EIF4G3: variants seen among roughly 807,000 people sequenced by gnomAD.
EIF4G3 encodes the protein eIF-4-gamma 3.
In EIF4G3, 34 loss-of-function variants were observed where a neutral mutation model predicts 186.4. The observed-to-expected ratio is 0.18, with a 90% CI of 0.14 to 0.24. The LOEUF (loss-of-function observed/expected upper bound fraction) is 0.24. Among genes scored for constraint, EIF4G3 ranks in the 10% least tolerant of loss-of-function variants. EIF4G3 has a pLI of 1.00. For synonymous variants in EIF4G3, 673 were observed against 679.5 expected (o/e 0.99, Z 0.15); for missense variants, 1,536 against 1,948.5 (o/e 0.79, Z 3.99).
intron 36 of EIF4G3, among the ~76,000 whole-genome samples, chr1:20,808,504 A>G (rs6663529): frequency 0.55 from 83,280 of 151,210 alleles, 23,704 homozygotes; most frequent in East Asian, 0.83. Flanking sequence ...ACACAGTGAA[A>G]CCCCGTCTCT....
chr1:21,135,535 G>A (rs2097222810), intron 2 of EIF4G3, among the ~76,000 whole-genome samples: 1 of 152,004 alleles, frequency 6.6e-6, no homozygotes, highest in African/African-American at 2.4e-5. Flanking sequence ...AAAATTAAAT[G>A]GGGTAAAAAA....
chr1:20,827,421 G>A (rs572834998), intron 32 of EIF4G3, among the ~76,000 whole-genome samples, 196 bp downstream of exon 32: 10 of 152,160 alleles, frequency 6.6e-5, no homozygotes, highest in African/African-American at 1.9e-4. Flanking sequence ...AAATCTAGTC[G>A]AGATTTGATA....
At chr1:20,988,178 G>A (rs1201842236) in intron 7 of EIF4G3, 1 of 162,068 alleles carries the variant, frequency 6.2e-6, no homozygotes, top group Non-Finnish European at 1.5e-5. Flanking sequence ...TTTAGTGAAA[G>A]CAGCTGTCTC....
chr1:21,072,743 G>A (rs190881350), intron 3 of EIF4G3, among the ~76,000 whole-genome samples: 21 of 152,278 alleles, frequency 1.4e-4, no homozygotes, highest in African/African-American at 4.1e-4. Flanking sequence ...CTATTGAAAT[G>A]AAAGTCATAA....
chr1:20,845,317 T>TG (rs1356737119), intron 29 of EIF4G3, among the ~76,000 whole-genome samples: 1 of 152,194 alleles, frequency 6.6e-6, no homozygotes, highest in African/African-American at 2.4e-5. Flanking sequence ...CTGGTCTATG[T>TG]GTCTGTTCTT....
At chr1:21,026,887 AGATCGCACCACTGCACTCCAGCCT>A (rs1241087001) in intron 4 of EIF4G3, among the ~76,000 whole-genome samples, 1 of 149,666 alleles carries the variant, frequency 6.7e-6, no homozygotes, top group Non-Finnish European at 1.5e-5. Context: ...CAGTGAGCTG[AGATCGCACCACTGCACTCCAGCCT>A]GCGTGACAGA....
chr1:20,893,570 T>G lies in EIF4G3; in HGVS notation c.2200A>C (p.Thr734Pro). ...PRILPRGPDFTPAFADFGRQT... is the reference protein window; with the variant it reads ...PRILPRGPDFPPAFADFGRQT... ...CTTCCAAAATCAGCAAAGGCTGGTGTAAAGTCTGGTCCTCGAGGCAAAATT... is the reference window on the plus strand; with the variant it reads ...CTTCCAAAATCAGCAAAGGCTGGTGGAAAGTCTGGTCCTCGAGGCAAAATT... The change falls in exon 18 of 37, where the codon ACA becomes CCA. Residue 734 changes from threonine (T) to proline (P), a missense_variant. Around this residue, in one of 11 missense-constraint regions of EIF4G3, gnomAD observed 139 missense variants for 192.8 expected, o/e 0.72. Transcript: ENST00000602326. The G allele has an allele frequency of 6.2e-7, 1 of 1,600,678 alleles. No homozygotes were observed. Among genetic ancestry groups the G allele is most frequent in the Non-Finnish European group, 8.5e-7 (1 of 1,170,172 alleles).
At chr1:20,840,224 A>C (rs1315154142) in intron 30 of EIF4G3, among the ~76,000 whole-genome samples, 4 of 152,256 alleles carry the variant, frequency 2.6e-5, no homozygotes, top group Non-Finnish European at 5.9e-5. Flanking sequence ...TGATCCATGT[A>C]CTTGTGATGA....
rs1491573088 is a variant in EIF4G3 at position 21,176,266 on chromosome 1, CTG to C, written c.-365_-364del. On this transcript the variant is annotated 5_prime_UTR_variant, in exon 2 of 37. Coordinates refer to ENST00000602326, the MANE Select transcript of EIF4G3 (RefSeq NM_001391906.1). ...GCCGCCGCCGCCGCCGCCGCCGCCGCTGCTGCCGCCGCCGGGTGAGGAGGCGG... is the reference window on the plus strand; with the variant it reads ...GCCGCCGCCGCCGCCGCCGCCGCCGCCTGCCGCCGCCGGGTGAGGAGGCGG... The C allele has an allele frequency of 6.1e-5, 22 of 358,480 alleles. No individual in the cohort carries two copies. The highest frequency in any genetic ancestry group is 1.6e-4 in the African/African-American group (7 of 44,254). 22.2% of individuals were successfully genotyped at this position (358,480 alleles called of 1,614,324 possible). A position where few individuals can be genotyped will look rare whatever the true frequency, so the allele number is the denominator to read the frequency against.
chr1:21,168,583 T>G (rs2097901746), intron 2 of EIF4G3, among the ~76,000 whole-genome samples: 1 of 151,820 alleles, frequency 6.6e-6, no homozygotes, highest in Admixed American at 6.6e-5. Context: ...CTGCCACTCC[T>G]GGCAAACTAT....
chr1:20,874,878 A>T (rs1456472108), intron 20 of EIF4G3, among the ~76,000 whole-genome samples: 1 of 152,170 alleles, frequency 6.6e-6, no homozygotes, highest in Non-Finnish European at 1.5e-5. Context: ...TGTGTGTAGT[A>T]GGATTCTATG....
chr1:21,079,625 A>C (rs2095701107), intron 3 of EIF4G3, among the ~76,000 whole-genome samples: 1 of 151,672 alleles, frequency 6.6e-6, no homozygotes, highest in Non-Finnish European at 1.5e-5. Flanking sequence ...TTGAGGCTGC[A>C]GCGAGCCATG....
intron 4 of EIF4G3, among the ~76,000 whole-genome samples, chr1:21,013,027 GT>G (rs2087667212): frequency 6.6e-6 from 1 of 152,108 alleles, no homozygotes; most frequent in African/African-American, 2.4e-5. Flanking sequence ...GAATATGAAA[GT>G]AGAAGCAGTA....
At chr1:21,052,962 C>A in intron 3 of EIF4G3, among the ~76,000 whole-genome samples, 1 of 152,166 alleles carries the variant, frequency 6.6e-6, no homozygotes, top group Non-Finnish European at 1.5e-5. Flanking sequence ...CTGCCTTGGC[C>A]CCGCAAAGTG....
chr1:20,985,377 C>G (rs1272899917), intron 7 of EIF4G3, among the ~76,000 whole-genome samples: 1 of 152,112 alleles, frequency 6.6e-6, no homozygotes, highest in African/African-American at 2.4e-5. Context: ...CTTACTTTTG[C>G]TCAACTTCAC....
At chr1:21,086,874 G>C (rs895729031) in intron 3 of EIF4G3, among the ~76,000 whole-genome samples, 92 of 151,544 alleles carry the variant, frequency 6.1e-4, no homozygotes, top group African/African-American at 2.1e-3. Flanking sequence ...AGGAGGCAGA[G>C]GTTGTAGTGA....
At chr1:21,109,425 G>A (rs951569080) in intron 2 of EIF4G3, among the ~76,000 whole-genome samples, 21 of 152,124 alleles carry the variant, frequency 1.4e-4, no homozygotes, top group Admixed American at 5.2e-4. Flanking sequence ...CAGGAGGATC[G>A]CTTGAGCCCA....
chr1:20,985,526 A>AT (rs1190371469), intron 7 of EIF4G3, among the ~76,000 whole-genome samples: 91 of 137,750 alleles, frequency 6.6e-4, no homozygotes, highest in East Asian at 4.1e-3. Flanking sequence ...AAAAAAAAAA[A>AT]AAAATATATA....
In EIF4G3 at chr1:21,125,771, TACACACACACAC is replaced by T. The variant is rs59291288; in HGVS notation, c.-271-36570_-271-36559del. 5.9e-3 allele frequency among the ~76,000 whole-genome samples: 868 copies of T among 146,164 alleles called. 9 individuals are homozygous for T. The highest frequency in any genetic ancestry group is 0.018 in the Middle Eastern group (5 of 280). On this transcript the variant is annotated intron_variant, in intron 2 of 36. Coordinates refer to ENST00000602326, the MANE Select transcript of EIF4G3 (RefSeq NM_001391906.1). The stretch of plus-strand genomic sequence containing the variant: ...TATATATAATTTTTTTATATATATA[TACACACACACAC>T]ACACACACACACACACACACACTCT...
Sources: gnomAD v4.1 joint callset for allele counts (sites outside exome capture counted in the v4.1 genomes callset) on GRCh38, gnomAD v4.1.1 for gene constraint, gnomAD v4.1.1 regional missense constraint, MANE v1.5 for transcripts, NCBI Gene and HGNC (gene_info 2026-07-23, HGNC 2026-07-21) for gene names.